The following FARS2 variants were observed in gnomAD, a reference collection of about 807,000 sequenced individuals.
FARS2 encodes phenylalanyl-tRNA synthetase 2, mitochondrial.
FARS2 carries 40 observed loss-of-function variants against 46.4 expected under a neutral mutation model. The observed-to-expected ratio is 0.86, with a 90% CI of 0.67 to 1.12. FARS2 has a LOEUF of 1.12. Ranked by LOEUF, FARS2 falls within the 50% of genes most tolerant of loss-of-function variation. FARS2 has a pLI of 0.00. For missense variants in FARS2, 513 were observed against 567.9 expected (o/e 0.90, Z 0.98); for synonymous variants, 234 against 214.9 (o/e 1.09, Z -0.78).
rs1005148501 is a variant in FARS2 at position 5,765,356 on chromosome 6, G to T, written c.1218-5935G>T. The stretch of plus-strand genomic sequence containing the variant: ...TCATGTTTCCAGTTTCAAGAGCCAG[G>T]CTGAATCTCTCAGAAGGGGAGCTGA... On this transcript the variant is annotated intron_variant, in intron 6 of 6. Transcript: ENST00000274680. This position sits in a 1 kb window ranked among gnomAD's most constrained non-coding sequence, Gnocchi z 4.0. Among the ~76,000 whole-genome samples, 1 of 152,262 alleles carries T rather than the reference G, an allele frequency of 6.6e-6. No individual in the cohort carries two copies. Among genetic ancestry groups the T allele is most frequent in the African/African-American group, 2.4e-5 (1 of 41,470 alleles).
chr6:5,368,437 A>G, intron 1 of FARS2, 113 bp from the exon 2 acceptor site: 1 of 860,270 alleles, frequency 1.2e-6, no homozygotes, highest in Non-Finnish European at 1.8e-6. Context: ...TGGAGGTCGT[A>G]GTGGGGGAAA....
chr6:5,384,849 TACTG>T (rs5873978), intron 2 of FARS2, among the ~76,000 whole-genome samples: 25,059 of 152,078 alleles, frequency 0.16, 2,160 homozygotes, highest in Middle Eastern at 0.2. Context: ...CACCACAGAA[TACTG>T]ACTGTTTCAC....
chr6:5,485,793 G>T (rs890873062), intron 4 of FARS2, among the ~76,000 whole-genome samples: 3 of 152,172 alleles, frequency 2.0e-5, no homozygotes, highest in African/African-American at 7.2e-5. Flanking sequence ...GCCATGAGCC[G>T]CACATGGCTG....
intron 1 of FARS2, among the ~76,000 whole-genome samples, chr6:5,276,425 G>C (rs1402136692): frequency 1.3e-5 from 2 of 152,062 alleles, no homozygotes; most frequent in African/African-American, 4.8e-5. Flanking sequence ...AGTGAAAGTG[G>C]GTGCTATTAA....
chr6:5,432,343 TA>T (rs1763239841), intron 4 of FARS2, among the ~76,000 whole-genome samples: 6 of 31,506 alleles, frequency 1.9e-4, no homozygotes, highest in African/African-American at 4.4e-4. Flanking sequence ...TATATATATA[TA>T]TATATATTAT....
intron 5 of FARS2, among the ~76,000 whole-genome samples, chr6:5,588,482 G>A (rs536040083): frequency 2.0e-5 from 3 of 152,326 alleles, no homozygotes; most frequent in East Asian, 3.9e-4. Flanking sequence ...TGCAGTGTCT[G>A]CATATAAAAG....
chr6:5,334,467 G>A (rs1396363189), intron 1 of FARS2, among the ~76,000 whole-genome samples: 1 of 152,172 alleles, frequency 6.6e-6, no homozygotes, highest in Non-Finnish European at 1.5e-5. Flanking sequence ...GGAAACAAAT[G>A]TTCATCAGTA....
chr6:5,344,288 G>A (rs1001471462), intron 1 of FARS2, among the ~76,000 whole-genome samples: 1 of 152,170 alleles, frequency 6.6e-6, no homozygotes, highest in Non-Finnish European at 1.5e-5. Context: ...CCTGGAGACG[G>A]AGGCACACAG....
At chr6:5,412,295 A>G (rs1761981545) in intron 3 of FARS2, among the ~76,000 whole-genome samples, 1 of 152,216 alleles carries the variant, frequency 6.6e-6, no homozygotes, top group Non-Finnish European at 1.5e-5. Context: ...TGAATGTGGC[A>G]AGAATACAAA....
intron 5 of FARS2, among the ~76,000 whole-genome samples, chr6:5,599,947 A>ACCCTAAGT: frequency 6.6e-6 from 1 of 151,954 alleles, no homozygotes; most frequent in East Asian, 1.9e-4. Context: ...CTTGCTTCAG[A>ACCCTAAGT]CCCTAAGTCC....
chr6:5,460,721 A>G (rs1765195255), intron 4 of FARS2, among the ~76,000 whole-genome samples: 1 of 152,192 alleles, frequency 6.6e-6, no homozygotes, highest in Admixed American at 6.5e-5. Flanking sequence ...TTATAGAACA[A>G]TCCAGTAGCC....
At chr6:5,679,194 C>G (rs780139939) in intron 6 of FARS2, among the ~76,000 whole-genome samples, 1 of 152,166 alleles carries the variant, frequency 6.6e-6, no homozygotes, top group African/African-American at 2.4e-5. Context: ...GCAAACCTCT[C>G]AGTTTCTAAT....
At position 5,594,712 on chromosome 6, in the gene FARS2, G is replaced by C. The variant is rs574967797; in HGVS notation, c.1066-18457G>C. The stretch of plus-strand genomic sequence containing the variant: ...TAAGGCCCAGACCCCTGAAGAGGAG[G>C]ACAAGCCAAGCAGGTGTCTCTGAGC... On this transcript the variant is annotated intron_variant, in intron 5 of 6. Transcript: ENST00000274680. Among the ~76,000 whole-genome samples the C allele has an allele frequency of 2.0e-5, 3 of 152,294 alleles. No individual in the cohort carries two copies. The South Asian group carries it at 6.2e-4, about 32-fold the overall frequency.
At chr6:5,652,285 G>A (rs933617514) in intron 6 of FARS2, among the ~76,000 whole-genome samples, 8 of 152,220 alleles carry the variant, frequency 5.3e-5, no homozygotes, top group South Asian at 4.1e-4. Flanking sequence ...CCTGTAGGTC[G>A]TCTGGGCAGA....
At chr6:5,404,474 T>C in intron 2 of FARS2, 68 bp from the exon 3 acceptor site, 1 of 1,129,488 alleles carries the variant, frequency 8.9e-7, no homozygotes, top group Non-Finnish European at 1.2e-6. Context: ...CTTAGCAGAA[T>C]TTTAAAGTTA....
Position 5,343,100 on chromosome 6 carries a change from T to C in FARS2, c.-21-25450T>C, listed in dbSNP as rs1756984610. Among the ~76,000 whole-genome samples, 1 of 152,238 alleles carries C rather than the reference T, an allele frequency of 6.6e-6. No individual in the cohort carries two copies. The highest frequency in any genetic ancestry group is 1.5e-5 in the Non-Finnish European group (1 of 68,042). ...TCTGTATGAAATGACCATTGATATC[T>C]CCTTACAGTTAATAATGGTAGTAAT... is the stretch of plus-strand genomic sequence containing the variant. On this transcript the variant is annotated intron_variant, in intron 1 of 6. Transcript: ENST00000274680. This position sits in a 1 kb window ranked among gnomAD's most constrained non-coding sequence, Gnocchi z 4.5.
intron 4 of FARS2, among the ~76,000 whole-genome samples, chr6:5,504,481 G>A (rs562853227): frequency 4.2e-4 from 63 of 149,734 alleles, no homozygotes; most frequent in Non-Finnish European, 7.4e-4. Context: ...TTTTCCTTTG[G>A]TAGGATTTGC....
chr6:5,717,925 T>TAGAGAGAGAG lies in FARS2; in HGVS notation c.1218-53365_1218-53364insGAGAGAGAGA, dbSNP rs759754794. ...GGTATCAGCTATATATATATATATA[T>TAGAGAGAGAG]ATATATATATACAGAGTCTCACTCT... is the stretch of plus-strand genomic sequence containing the variant. On this transcript the variant is annotated intron_variant, in intron 6 of 6. Coordinates refer to ENST00000274680, the MANE Select transcript of FARS2 (RefSeq NM_006567.5). Among the ~76,000 whole-genome samples the TAGAGAGAGAG allele has an allele frequency of 4.4e-5, 2 of 45,588 alleles. 1 individual carries two copies. The highest frequency in any genetic ancestry group is 8.9e-5 in the Non-Finnish European group (2 of 22,556). 29.9% of individuals were successfully genotyped at this position (45,588 alleles called of 152,430 possible). A position where few individuals can be genotyped will look rare whatever the true frequency, so the allele number is the denominator to read the frequency against.
intron 4 of FARS2, among the ~76,000 whole-genome samples, chr6:5,524,808 G>A (rs749291231): frequency 6.6e-6 from 1 of 152,160 alleles, no homozygotes; most frequent in East Asian, 1.9e-4. Flanking sequence ...CTCTTAACTC[G>A]TCTACTCTTT....
Sources: allele counts gnomAD v4.1 joint callset (sites outside exome capture counted in the v4.1 genomes callset), GRCh38; gene constraint gnomAD v4.1.1; non-coding constraint Gnocchi (gnomAD v3.1); transcripts MANE v1.5; gene names NCBI Gene and HGNC (gene_info 2026-07-23, HGNC 2026-07-21).